Variants in EMC1 observed in about 807,000 individuals in gnomAD.
EMC1 encodes the protein ER membrane protein complex subunit 1.
In EMC1, 103 loss-of-function variants were observed where a neutral mutation model predicts 128.8. The observed-to-expected ratio is 0.80, with a 90% CI of 0.68 to 0.94. EMC1 has a LOEUF of 0.94. Ranked by LOEUF, EMC1 falls within the 40% of genes least tolerant of loss-of-function variation. The pLI, the probability that EMC1 is intolerant of heterozygous loss-of-function variation, is 0.00. For synonymous variants in EMC1, 442 were observed against 490.4 expected (o/e 0.90, Z 1.30); for missense variants, 1,083 against 1,250.6 (o/e 0.87, Z 2.02).
chr1:19,248,177 T>G (rs2093640438), intron 1 of EMC1, among the ~76,000 whole-genome samples: 1 of 152,098 alleles, frequency 6.6e-6, no homozygotes, highest in South Asian at 2.1e-4. Context: ...CCCAGGCTAA[T>G]GTGTTTGTGT....
At position 19,251,491 on chromosome 1, in the gene EMC1, A is replaced by G. The variant is rs370530522; in HGVS notation, c.19T>C (p.Ser7Pro). 14 of 1,614,036 alleles carry G rather than the reference A, an allele frequency of 8.7e-6. No individual in the cohort carries two copies. The Admixed American group carries it at 1.3e-4, about 15-fold the overall frequency. Reference protein sequence around the residue: MAAEWASRFWLWATLLI... With the variant: MAAEWAPRFWLWATLLI... ...AGCGTAGCCCAAAGCCAGAAACGAG[A>G]AGCCCACTCAGCCGCCATGATGCGA... The change falls in exon 1 of 23, where the codon TCT becomes CCT. Residue 7 changes from serine to proline, a missense_variant. Coordinates refer to ENST00000477853, the MANE Select transcript of EMC1 (RefSeq NM_015047.3).
chr1:19,233,056 T>A lies in EMC1; in HGVS notation c.1512A>T (p.Lys504Asn). 1 of 1,614,188 alleles carries A rather than the reference T, an allele frequency of 6.2e-7. No homozygotes were observed. The highest frequency in any genetic ancestry group is 8.5e-7 in the Non-Finnish European group (1 of 1,180,044). The change falls in exon 14 of 23, where the codon AAA becomes AAT. Residue 504 changes from lysine (K) to asparagine (N), a missense_variant. Lys to Asn is a moderately conservative substitution (Grantham distance 94, BLOSUM62 0). Transcript: ENST00000477853. ...GGGGCTTCCGAGCATCATAAAACAT[T>A]TTCCAGAGGTGGGAAGTCCATGCTT... ...LLQAWTSHLW[K>N]MFYDARKPRS... is the part of the protein sequence containing the mutation.
In EMC1 at chr1:19,232,929, C is replaced by A; in HGVS notation, c.1632+7G>T. ...GGTTCAGTAACTGGAGCTTAAACCC[C>A]ACTCACCTTGCCTGAGGCTGTTACC... On this transcript the variant is annotated splice_region_variant and intron_variant, in intron 14 of 22. Coordinates refer to ENST00000477853, the MANE Select transcript of EMC1 (RefSeq NM_015047.3). 6.2e-7 allele frequency: 1 copy of A among 1,613,884 alleles called. No homozygotes were observed. Among genetic ancestry groups the A allele is most frequent in the South Asian group, 1.1e-5 (1 of 91,048 alleles).
intron 17 of EMC1, among the ~76,000 whole-genome samples, chr1:19,230,219 C>T (rs577279430): frequency 1.3e-5 from 2 of 152,034 alleles, no homozygotes; most frequent in East Asian, 3.9e-4. Flanking sequence ...TTACTCAACC[C>T]ACATTCCTAC....
chr1:19,237,125 G>T lies in EMC1; in HGVS notation c.1309+17C>A, dbSNP rs759284483. 4 of 1,590,200 alleles carry T rather than the reference G, an allele frequency of 2.5e-6. No homozygotes were observed. The highest frequency in any genetic ancestry group is 3.3e-5 in the Admixed American group (2 of 59,972). ...GCCTGGGGAAATAAAAAAATGGGTT[G>T]AATGAGGTCTACTTACCCAACTGCT... On this transcript the variant is annotated intron_variant, in intron 12 of 22. Transcript: ENST00000477853.
At chr1:19,229,914 T>C (rs3762395) in intron 17 of EMC1, among the ~76,000 whole-genome samples, 29,073 of 152,150 alleles carry the variant, frequency 0.19, 3,594 homozygotes, top group African/African-American at 0.34. Flanking sequence ...ACTTCCAATC[T>C]AGCAAATTGG....
chr1:19,251,514 C>A lies in EMC1; in HGVS notation c.-5G>T, dbSNP rs766062492. ...AGAAGCCCACTCAGCCGCCATGATG[C>A]GAGCGCATGCACCACCCACCGCCGT... On this transcript the variant is annotated 5_prime_UTR_variant, in exon 1 of 23. Transcript: ENST00000477853. 36 of 1,613,752 alleles carry A rather than the reference C, an allele frequency of 2.2e-5. No homozygotes were observed. The highest frequency in any genetic ancestry group is 5.0e-5 in the Admixed American group (3 of 60,012).
chr1:19,245,078 T>G (rs2093625932), intron 1 of EMC1, 48 bp from the exon 2 acceptor site: 1 of 1,604,456 alleles, frequency 6.2e-7, no homozygotes, highest in African/African-American at 1.3e-5. Flanking sequence ...AAATCACCAT[T>G]CCACAAAATG....
Position 19,222,810 on chromosome 1 carries a change from G to C in EMC1, c.2401C>G (p.Arg801Gly). 6.2e-7 allele frequency: 1 copy of C among 1,612,144 alleles called. No individual in the cohort carries two copies. The highest frequency in any genetic ancestry group is 1.1e-5 in the South Asian group (1 of 90,884). ...TCCAGTACGGTAAACTCGTTGCGCC[G>C]AGCCTTGGTGTTCCAGTACTGGTAC... is the stretch of plus-strand genomic sequence containing the variant. ...VVYQYWNTKA[R>G]RNEFTVLELY... Residue 801 changes from arginine (R) to glycine (G), a missense_variant, in exon 20 of 23, where the codon CGG becomes GGG. By Grantham distance (125) the Arg-to-Gly change is moderately radical. This residue lies in a region of EMC1 where 527 missense variants were observed against 644.1 expected (regional missense o/e 0.82). Coordinates refer to ENST00000477853, the MANE Select transcript of EMC1 (RefSeq NM_015047.3).
intron 17 of EMC1, among the ~76,000 whole-genome samples, chr1:19,230,590 TG>T (rs1350878908): frequency 2.7e-5 from 4 of 150,336 alleles, no homozygotes; most frequent in African/African-American, 9.8e-5. Flanking sequence ...AGAAAAAGAA[TG>T]TGGAATGAAA....
chr1:19,235,529 C>CG (rs1453630284), intron 12 of EMC1, among the ~76,000 whole-genome samples: 21 of 151,988 alleles, frequency 1.4e-4, no homozygotes, highest in Non-Finnish European at 1.3e-4. Context: ...GGTGAAACCC[C>CG]TCTCTACTAA....
chr1:19,241,864 G>A (rs2093607797), intron 5 of EMC1, among the ~76,000 whole-genome samples: 1 of 152,158 alleles, frequency 6.6e-6, no homozygotes, highest in African/African-American at 2.4e-5. Context: ...GGGTGTCTAA[G>A]TAGATCCTTT....
rs748743582 is a variant in EMC1, at chr1:19,240,306, G to A, written c.777C>T (p.Ile259=). 1.2e-6 allele frequency: 2 copies of A among 1,614,178 alleles called. No individual in the cohort carries two copies. Among genetic ancestry groups the A allele is most frequent in the Non-Finnish European group, 1.7e-6 (2 of 1,180,044 alleles). Residue 259 remains isoleucine, a synonymous_variant, in exon 7 of 23, where the codon ATC becomes ATT. Transcript: ENST00000477853. ...ALETEWELRQ[I]PLQSLDLEFG... is the part of the protein sequence containing the mutation. The stretch of plus-strand genomic sequence containing the variant: ...AGTGGCAGCCTCTCACCTGCAGTGG[G>A]ATCTGTCTCAACTCCCATTCCGTCT...
intron 16 of EMC1, 82 bp downstream of exon 16, chr1:19,231,179 C>T: frequency 6.8e-7 from 1 of 1,462,024 alleles, no homozygotes; most frequent in Non-Finnish European, 9.3e-7. Flanking sequence ...GAGAGCACTC[C>T]ATCTCCGGGC....
At chr1:19,235,649 C>T (rs781276575) in intron 12 of EMC1, among the ~76,000 whole-genome samples, 20 of 151,868 alleles carry the variant, frequency 1.3e-4, no homozygotes, top group Middle Eastern at 6.8e-3. Context: ...TGCAGTGAGC[C>T]GAGATTGTGC....
chr1:19,236,931 G>A (rs2093569012), intron 12 of EMC1, among the ~76,000 whole-genome samples: 1 of 133,642 alleles, frequency 7.5e-6, no homozygotes, highest in African/African-American at 2.9e-5. Context: ...TCATGCCACT[G>A]CACTCCAGCC....
At chr1:19,235,882 C>T (rs1390487368) in intron 12 of EMC1, among the ~76,000 whole-genome samples, 1 of 151,786 alleles carries the variant, frequency 6.6e-6, no homozygotes, top group Admixed American at 6.6e-5. Context: ...AACAGTGAGA[C>T]CTTGTCTCAA....
At chr1:19,235,372 A>C (rs2093554883) in intron 12 of EMC1, 120 bp from the exon 13 acceptor site, 1 of 1,052,900 alleles carries the variant, frequency 9.5e-7, no homozygotes, top group Non-Finnish European at 1.3e-6. Context: ...ATTTGAGACC[A>C]GCCTGGACAA....
At chr1:19,230,662 G>A (rs1244236342) in intron 17 of EMC1, among the ~76,000 whole-genome samples, 182 bp downstream of exon 17, 1 of 152,136 alleles carries the variant, frequency 6.6e-6, no homozygotes, top group Non-Finnish European at 1.5e-5. Flanking sequence ...ACCTAGAACC[G>A]TATCTGCCAT....
Sources: gnomAD v4.1 joint callset for allele counts (sites outside exome capture counted in the v4.1 genomes callset) on GRCh38, gnomAD v4.1.1 for gene constraint, gnomAD v4.1.1 regional missense constraint, MANE v1.5 for transcripts, NCBI Gene and HGNC (gene_info 2026-07-23, HGNC 2026-07-21) for gene names.